Variants in DLGAP2 observed in about 807,000 individuals in gnomAD.
The protein encoded by DLGAP2 is disks large-associated protein 2.
A neutral mutation model predicts 100.3 loss-of-function variants in DLGAP2; 26 were observed. The observed-to-expected ratio is 0.26, with a 90% CI of 0.19 to 0.36. DLGAP2 has a LOEUF of 0.36. Among genes scored for constraint, DLGAP2 ranks in the 10% least tolerant of loss-of-function variants. The pLI is 1.00. For synonymous variants in DLGAP2, 886 were observed against 630.1 expected (o/e 1.41, Z -6.08); for missense variants, 1,858 against 1,453.2 (o/e 1.28, Z -4.53).
chr8:1,539,734 C>T (rs1026565652), intron 4 of DLGAP2, among the ~76,000 whole-genome samples: 1 of 152,182 alleles, frequency 6.6e-6, no homozygotes, highest in Non-Finnish European at 1.5e-5. Context: ...CATTGCATCG[C>T]TTTGCATGTC....
intron 3 of DLGAP2, among the ~76,000 whole-genome samples, chr8:1,499,244 T>G (rs529502774): frequency 6.6e-6 from 1 of 152,346 alleles, no homozygotes; most frequent in South Asian, 2.1e-4. Flanking sequence ...GCTGCTGGTG[T>G]TGTTAGCGGA....
chr8:1,051,931 C>G (rs1802725746), intron 2 of DLGAP2, among the ~76,000 whole-genome samples: 1 of 152,132 alleles, frequency 6.6e-6, no homozygotes, highest in African/African-American at 2.4e-5. Flanking sequence ...AGCTTAAATG[C>G]ACCATCTATA....
chr8:1,488,290 C>T (rs1430027391), intron 3 of DLGAP2, among the ~76,000 whole-genome samples: 1 of 152,164 alleles, frequency 6.6e-6, no homozygotes, highest in South Asian at 2.1e-4. Context: ...GATTTGGCCA[C>T]AGCAGGAGGA....
At chr8:1,195,158 T>C (rs1390195582) in intron 2 of DLGAP2, among the ~76,000 whole-genome samples, 1 of 152,210 alleles carries the variant, frequency 6.6e-6, no homozygotes, top group Non-Finnish European at 1.5e-5. Context: ...GTCAGAACAG[T>C]GAACATCTGA....
chr8:793,094 G>T (rs1042326774), intron 1 of DLGAP2, among the ~76,000 whole-genome samples: 2 of 152,066 alleles, frequency 1.3e-5, no homozygotes, highest in South Asian at 4.1e-4. Flanking sequence ...CTTTCTTCTT[G>T]CCGCTGGCTC....
chr8:831,061 A>G (rs573216793), intron 1 of DLGAP2, among the ~76,000 whole-genome samples: 109 of 151,934 alleles, frequency 7.2e-4, no homozygotes, highest in Middle Eastern at 3.4e-3. Flanking sequence ...ATACCTGGCT[A>G]ATTTTTTTGT....
chr8:1,657,789 A>T (rs6558505), intron 8 of DLGAP2, among the ~76,000 whole-genome samples: 50,917 of 152,134 alleles, frequency 0.33, 8,682 homozygotes, highest in East Asian at 0.48. Flanking sequence ...AATTTTTAAA[A>T]TATAGAAATC....
intron 2 of DLGAP2, among the ~76,000 whole-genome samples, chr8:1,254,389 G>A (rs1305535636): frequency 2.0e-5 from 3 of 152,056 alleles, no homozygotes; most frequent in African/African-American, 4.8e-5. Flanking sequence ...TGTTCACTCC[G>A]TTTTCCTGAG....
At chr8:839,767 CA>C (rs1222115460) in intron 1 of DLGAP2, among the ~76,000 whole-genome samples, 2 of 152,220 alleles carry the variant, frequency 1.3e-5, no homozygotes, top group African/African-American at 4.8e-5. Context: ...ACCGTTTCAT[CA>C]CCCACATGGG....
At chr8:1,167,748 A>G (rs918531628) in intron 2 of DLGAP2, among the ~76,000 whole-genome samples, 4 of 152,174 alleles carry the variant, frequency 2.6e-5, no homozygotes, top group Non-Finnish European at 4.4e-5. Flanking sequence ...CATTCAGTTG[A>G]CAAACATTTG....
intron 2 of DLGAP2, among the ~76,000 whole-genome samples, chr8:1,117,830 T>C (rs541620929): frequency 6.6e-6 from 1 of 151,470 alleles, no homozygotes; most frequent in Admixed American, 6.6e-5. Context: ...CCTCCCCCTT[T>C]CACAGTGGGC....
intron 8 of DLGAP2, among the ~76,000 whole-genome samples, chr8:1,667,289 T>C (rs73547735): frequency 0.18 from 26,623 of 152,110 alleles, 4,119 homozygotes; most frequent in African/African-American, 0.42. Flanking sequence ...TTTTGGTAGG[T>C]TCTAAGAGTT....
chr8:1,315,258 C>T (rs1321234632), intron 3 of DLGAP2, among the ~76,000 whole-genome samples: 14 of 151,802 alleles, frequency 9.2e-5, no homozygotes, highest in Middle Eastern at 3.4e-3. Context: ...GGTCTACACT[C>T]GAGAAACTCG....
intron 3 of DLGAP2, among the ~76,000 whole-genome samples, chr8:1,307,075 C>T (rs1342871671): frequency 6.6e-6 from 1 of 152,050 alleles, no homozygotes; most frequent in Non-Finnish European, 1.5e-5. Context: ...CATTAAGGGA[C>T]ACTTTCAGCT....
At chr8:1,286,833 C>T (rs900988390) in intron 3 of DLGAP2, among the ~76,000 whole-genome samples, 1 of 152,176 alleles carries the variant, frequency 6.6e-6, no homozygotes, top group Non-Finnish European at 1.5e-5. Context: ...GTTGTTAGGC[C>T]GTATGGGGAA....
chr8:1,242,905 C>G lies in DLGAP2; in HGVS notation c.74-15946C>G, dbSNP rs202209384. The stretch of plus-strand genomic sequence containing the variant: ...ACAGACAGGTGAATCCATGGATTGA[C>G]GGATGGATGGACAGATAGACAGTGG... On this transcript the variant is annotated intron_variant, in intron 2 of 14. Coordinates refer to ENST00000637795, the MANE Select transcript of DLGAP2 (RefSeq NM_001346810.2). 2.1e-5 allele frequency among the ~76,000 whole-genome samples: 3 copies of G among 144,440 alleles called. No individual in the cohort carries two copies. The South Asian group carries it at 7.2e-4, about 35-fold the overall frequency. The allele number at this position is 144,440 out of a possible 152,430, so 94.8% of individuals were successfully genotyped here.
At chr8:1,524,730 G>A (rs1283830122) in intron 4 of DLGAP2, among the ~76,000 whole-genome samples, 2 of 152,092 alleles carry the variant, frequency 1.3e-5, no homozygotes, top group East Asian at 1.9e-4. Flanking sequence ...CACACAGTGA[G>A]AGGGACACAG....
At chr8:1,343,288 G>C (rs1585279073) in intron 3 of DLGAP2, among the ~76,000 whole-genome samples, 1 of 152,160 alleles carries the variant, frequency 6.6e-6, no homozygotes, top group African/African-American at 2.4e-5. Flanking sequence ...TGAGCCTCCA[G>C]GTGTCTCTCC....
At chr8:1,411,181 C>G (rs1796720203) in intron 3 of DLGAP2, among the ~76,000 whole-genome samples, 1 of 152,134 alleles carries the variant, frequency 6.6e-6, no homozygotes, top group Non-Finnish European at 1.5e-5. Flanking sequence ...CTCTGCTTAA[C>G]TACAGAGAAA....
Sources: allele counts gnomAD v4.1 joint callset (sites outside exome capture counted in the v4.1 genomes callset), GRCh38; gene constraint gnomAD v4.1.1; transcripts MANE v1.5; gene names NCBI Gene and HGNC (gene_info 2026-07-23, HGNC 2026-07-21).